Variants in DIAPH2 observed in about 807,000 individuals in gnomAD.
DIAPH2 encodes protein diaphanous homolog 2.
DIAPH2 carries 35 observed loss-of-function variants against 92.7 expected under a neutral mutation model. That is an observed-to-expected ratio of 0.38 (90% CI 0.29 to 0.50). The LOEUF (loss-of-function observed/expected upper bound fraction) is 0.50, where lower values mean the gene tolerates loss of function less well. Among genes scored for constraint, DIAPH2 ranks in the 20% least tolerant of loss-of-function variants. The probability of loss-of-function intolerance (pLI) is 0.94; values close to 1 mark genes in which losing one functional copy is unlikely to be tolerated. For synonymous variants in DIAPH2, 301 were observed against 280.4 expected, an observed-to-expected ratio of 1.07 and a Z score of -0.73; for missense variants, 701 against 819.5, an observed-to-expected ratio of 0.86 and a Z score of 1.77.
At chrX:97,402,891 A>C (rs770204337) in intron 25 of DIAPH2, among the ~76,000 whole-genome samples, 1 of 86,735 alleles carries the variant, frequency 1.2e-5, no homozygotes, top group African/African-American at 3.9e-5. Flanking sequence ...GTTATAAGAA[A>C]CTTGTGAAAA....
intron 5 of DIAPH2, among the ~76,000 whole-genome samples, chrX:96,896,533 G>C (rs1424656899): frequency 1.8e-5 from 2 of 111,762 alleles, no homozygotes; most frequent in Non-Finnish European, 3.8e-5. Flanking sequence ...ACTCTTATTG[G>C]TGTGAGTTCT....
chrX:97,426,829 T>A (rs973909589), intron 25 of DIAPH2, among the ~76,000 whole-genome samples: 10 of 111,964 alleles, frequency 8.9e-5, no homozygotes, highest in African/African-American at 3.2e-4. Context: ...ATAAGAAGAA[T>A]GTAAAATACA....
At chrX:97,374,142 G>A (rs1734307742) in intron 24 of DIAPH2, among the ~76,000 whole-genome samples, 1 of 111,048 alleles carries the variant, frequency 9.0e-6, no homozygotes, top group South Asian at 3.9e-4. Flanking sequence ...GGGCTTCAGG[G>A]GAAGGTGAAA....
intron 4 of DIAPH2, among the ~76,000 whole-genome samples, chrX:96,870,774 G>C (rs1241139164): frequency 9.0e-6 from 1 of 111,475 alleles, no homozygotes; most frequent in Non-Finnish European, 1.9e-5. Context: ...GAAAATAATA[G>C]GGTAATTTTT....
At chrX:97,513,744 T>G (rs1273489543) in intron 26 of DIAPH2, among the ~76,000 whole-genome samples, 4 of 67,842 alleles carry the variant, frequency 5.9e-5, no homozygotes, top group Middle Eastern at 6.8e-3. Flanking sequence ...GTCTGTAAAG[T>G]ATTTTATTTC....
chrX:96,768,108 ATGAT>A (rs1285825543), intron 4 of DIAPH2, among the ~76,000 whole-genome samples: 1 of 112,403 alleles, frequency 8.9e-6, no homozygotes, highest in Non-Finnish European at 1.9e-5. Flanking sequence ...AACAGCTAAA[ATGAT>A]TGATTTTATT....
chrX:97,422,653 T>G (rs2070021457), intron 25 of DIAPH2, among the ~76,000 whole-genome samples: 1 of 111,805 alleles, frequency 8.9e-6, no homozygotes, highest in African/African-American at 3.2e-5. Context: ...TCGGTTAAGA[T>G]TTTAGGAAAT....
rs1186519783 is a variant in DIAPH2 at position 96,825,227 on chromosome X, A to G, written c.448-56352A>G. Among the ~76,000 whole-genome samples, 14 of 108,410 alleles carry G rather than the reference A, an allele frequency of 1.3e-4. No individual in the cohort carries two copies. The Admixed American group carries it at 1.4e-3, about 11-fold the overall frequency. 94.1% of individuals were successfully genotyped at this position (108,410 alleles called of 115,157 possible). On this transcript the variant is annotated intron_variant, in intron 4 of 26. Coordinates refer to ENST00000324765, the MANE Select transcript of DIAPH2 (RefSeq NM_006729.5). ...GGCCTCGGCCTCCCAAAGTGCTGTGATTACAGGCATGAGCCACCATGCCTG... is the reference window on the plus strand; with the variant it reads ...GGCCTCGGCCTCCCAAAGTGCTGTGGTTACAGGCATGAGCCACCATGCCTG...
At chrX:97,274,795 C>G (rs762125096) in intron 23 of DIAPH2, among the ~76,000 whole-genome samples, 2 of 110,438 alleles carry the variant, frequency 1.8e-5, no homozygotes, top group Admixed American at 9.7e-5. Flanking sequence ...TGTGGCCTAC[C>G]GCAGTGTTTG....
At chrX:96,903,633 C>CG (rs1422658702) in intron 5 of DIAPH2, among the ~76,000 whole-genome samples, 2 of 111,748 alleles carry the variant, frequency 1.8e-5, no homozygotes, top group African/African-American at 6.5e-5. Flanking sequence ...TCTTTCCCTT[C>CG]GCTTCCCTTA....
intron 4 of DIAPH2, among the ~76,000 whole-genome samples, chrX:96,792,026 T>A (rs2064505668): frequency 9.0e-6 from 1 of 111,266 alleles, no homozygotes; most frequent in Admixed American, 9.6e-5. Context: ...TGCCCCAGTC[T>A]CTACAGGGAA....
At chrX:96,829,375 A>AT in intron 4 of DIAPH2, among the ~76,000 whole-genome samples, 1 of 109,236 alleles carries the variant, frequency 9.2e-6, no homozygotes, top group East Asian at 2.8e-4. Flanking sequence ...GATATATGTA[A>AT]TTTTTTCACA....
At chrX:96,751,917 T>C (rs1362889343) in intron 3 of DIAPH2, among the ~76,000 whole-genome samples, 1 of 98,218 alleles carries the variant, frequency 1.0e-5, no homozygotes, top group Admixed American at 1.1e-4. Context: ...CCTCCCAAAG[T>C]GCTGGTATTA....
intron 19 of DIAPH2, among the ~76,000 whole-genome samples, chrX:97,080,268 C>T (rs1276283977): frequency 3.7e-5 from 4 of 106,845 alleles, no homozygotes; most frequent in South Asian, 4.4e-4. Context: ...CCTTCCTCCT[C>T]TCCTCCCTCC....
At chrX:97,412,820 C>T (rs1208094385) in intron 25 of DIAPH2, among the ~76,000 whole-genome samples, 1 of 111,906 alleles carries the variant, frequency 8.9e-6, no homozygotes, top group Non-Finnish European at 1.9e-5. Context: ...TGGATAAATT[C>T]CTGGACACAT....
chrX:97,224,122 A>G (rs2067947625), intron 22 of DIAPH2, among the ~76,000 whole-genome samples: 1 of 112,033 alleles, frequency 8.9e-6, no homozygotes, highest in Non-Finnish European at 1.9e-5. Flanking sequence ...ACGGTTTTTC[A>G]ATTAGGCTAT....
intron 17 of DIAPH2, among the ~76,000 whole-genome samples, chrX:96,983,228 A>G (rs1166828620): frequency 3.6e-5 from 4 of 111,183 alleles, no homozygotes; most frequent in African/African-American, 9.8e-5. Flanking sequence ...CATATCATCC[A>G]TATTTGCTTA....
intron 19 of DIAPH2, among the ~76,000 whole-genome samples, chrX:97,096,382 T>G (rs1156870446): frequency 1.8e-5 from 2 of 112,210 alleles, no homozygotes; most frequent in African/African-American, 6.5e-5. Context: ...ACCTGTATTT[T>G]TCTTGCTCTT....
chrX:97,325,096 G>A (rs757338476), intron 23 of DIAPH2, among the ~76,000 whole-genome samples: 3 of 112,164 alleles, frequency 2.7e-5, no homozygotes, highest in East Asian at 5.6e-4. Context: ...CACCTCACCC[G>A]GCCAATAAAT....
Sources: allele counts gnomAD v4.1 joint callset (sites outside exome capture counted in the v4.1 genomes callset), GRCh38; gene constraint gnomAD v4.1.1; transcripts MANE v1.5; gene names NCBI Gene and HGNC (gene_info 2026-07-23, HGNC 2026-07-21).